The following AHI1 variants were observed in gnomAD, a reference collection of about 807,000 sequenced individuals.
The protein encoded by AHI1 is Abelson helper integration site 1, also known as jouberin.
Under a neutral mutation model 149.3 loss-of-function variants are expected in AHI1, and 123 were observed. The observed-to-expected ratio is 0.82, with a 90% CI of 0.71 to 0.96. The LOEUF (loss-of-function observed/expected upper bound fraction) is 0.96, where lower values mean the gene tolerates loss of function less well. AHI1 is among the 40% of genes least tolerant of loss of function. The pLI is 0.00. For missense variants in AHI1, 1,439 were observed against 1,422.7 expected (o/e 1.01, Z -0.18); for synonymous variants, 475 against 459.8 (o/e 1.03, Z -0.42).
intron 26 of AHI1, among the ~76,000 whole-genome samples, chr6:135,317,376 A>AAT: frequency 6.6e-6 from 1 of 151,126 alleles, no homozygotes; most frequent in Admixed American, 6.6e-5. Flanking sequence ...GCCCAGACAT[A>AAT]ATCATACCAT....
chr6:135,339,852 T>TCTA (rs1446806651), intron 24 of AHI1, among the ~76,000 whole-genome samples: 10 of 152,050 alleles, frequency 6.6e-5, no homozygotes, highest in African/African-American at 2.4e-4. Flanking sequence ...AAGATCCATA[T>TCTA]CTAGACAAAT....
At chr6:135,396,180 C>G (rs1464896178) in intron 22 of AHI1, among the ~76,000 whole-genome samples, 1 of 151,574 alleles carries the variant, frequency 6.6e-6, no homozygotes, top group Non-Finnish European at 1.5e-5. Context: ...AAAGTATTTT[C>G]CAAAGTAGTT....
chr6:135,331,325 G>C (rs554512931), intron 24 of AHI1, among the ~76,000 whole-genome samples: 2 of 152,160 alleles, frequency 1.3e-5, no homozygotes, highest in African/African-American at 2.4e-5. Context: ...ATTTGAAATA[G>C]AGTTCTTCTT....
chr6:135,388,895 C>T (rs1778008184), intron 23 of AHI1, among the ~76,000 whole-genome samples: 1 of 152,008 alleles, frequency 6.6e-6, no homozygotes, highest in East Asian at 1.9e-4. Context: ...GCCTGCAATC[C>T]CAGCTACTCA....
At chr6:135,286,824 A>G (rs1781745112) in intron 28 of AHI1, among the ~76,000 whole-genome samples, 1 of 152,242 alleles carries the variant, frequency 6.6e-6, no homozygotes, top group African/African-American at 2.4e-5. Context: ...ATGAATGCAC[A>G]TGAAGTTGAG....
At chr6:135,302,832 G>A (rs913378655) in intron 26 of AHI1, 22 of 1,288,608 alleles carry the variant, frequency 1.7e-5, no homozygotes, top group Middle Eastern at 2.1e-4. Context: ...AAACGAAAAA[G>A]CCCCCAAGGC....
intron 11 of AHI1, among the ~76,000 whole-genome samples, chr6:135,451,797 A>C (rs530157679): frequency 6.6e-6 from 1 of 152,290 alleles, no homozygotes; most frequent in African/African-American, 2.4e-5. Flanking sequence ...GTTTCTAATA[A>C]AACCACACGA....
intron 23 of AHI1, among the ~76,000 whole-genome samples, chr6:135,394,500 T>A (rs2128484529): frequency 6.6e-6 from 1 of 152,184 alleles, no homozygotes; most frequent in South Asian, 2.1e-4. Context: ...TGAATCAGAT[T>A]TAACATCATG....
chr6:135,467,706 G>A, intron 5 of AHI1, 72 bp from the exon 6 acceptor site: 3 of 1,052,596 alleles, frequency 2.9e-6, no homozygotes, highest in Middle Eastern at 2.1e-4. Context: ...AATAATTAAT[G>A]TTCAACTATG....
intron 5 of AHI1, among the ~76,000 whole-genome samples, chr6:135,477,525 G>T (rs547389541): frequency 6.6e-6 from 1 of 152,264 alleles, no homozygotes; most frequent in African/African-American, 2.4e-5. Context: ...ATGTTGAATT[G>T]TAATTTCCAT....
At chr6:135,360,411 A>C (rs1451600855) in intron 23 of AHI1, among the ~76,000 whole-genome samples, 2 of 152,210 alleles carry the variant, frequency 1.3e-5, no homozygotes, top group Non-Finnish European at 2.9e-5. Context: ...GGCCTTAAGA[A>C]AATGACAACT....
At chr6:135,357,222 C>A (rs1793131807) in intron 24 of AHI1, among the ~76,000 whole-genome samples, 1 of 152,230 alleles carries the variant, frequency 6.6e-6, no homozygotes, top group South Asian at 2.1e-4. Context: ...CAGGCGTGAG[C>A]CACTGTGTCC....
At chr6:135,482,414 TA>T (rs1793793125) in intron 5 of AHI1, among the ~76,000 whole-genome samples, 1 of 151,918 alleles carries the variant, frequency 6.6e-6, no homozygotes. Flanking sequence ...CAAAATTCCC[TA>T]ATATTTAACA....
In AHI1 at chr6:135,447,052, C is replaced by G. The variant is rs1787353725; in HGVS notation, c.1735G>C (p.Glu579Gln). 3 of 1,584,542 alleles carry G rather than the reference C, an allele frequency of 1.9e-6. No individual in the cohort carries two copies. In the African/African-American group the frequency reaches 4.1e-5, roughly 21 times the overall value. ...SSSVDTEPGL[E>Q]ESKEVIKWKR... The stretch of plus-strand genomic sequence containing the variant: ...CACTTTATTACTTCCTTTGACTCTT[C>G]TAATCCAGGTTCTGTGTCTACTGAG... Residue 579 changes from glutamate (E) to glutamine (Q), a missense_variant, in exon 13 of 29, where the codon GAA becomes CAA. By Grantham distance (29) the Glu-to-Gln change is conservative. Transcript: ENST00000265602.
At chr6:135,362,375 C>G (rs533060852) in intron 23 of AHI1, among the ~76,000 whole-genome samples, 11 of 152,144 alleles carry the variant, frequency 7.2e-5, no homozygotes, top group South Asian at 4.2e-4. Context: ...GCAGATTTTG[C>G]TAATTGAAAC....
chr6:135,360,727 G>C (rs1208426264), intron 23 of AHI1, among the ~76,000 whole-genome samples: 1 of 152,152 alleles, frequency 6.6e-6, no homozygotes, highest in Non-Finnish European at 1.5e-5. Context: ...TAGGAATATA[G>C]TTAAAATGTT....
At chr6:135,290,870 G>GA (rs925963793) in intron 27 of AHI1, among the ~76,000 whole-genome samples, 8 of 150,902 alleles carry the variant, frequency 5.3e-5, no homozygotes, top group Non-Finnish European at 1.0e-4. Flanking sequence ...AGATGCCTGG[G>GA]AAAAATCAGA....
At position 135,465,990 on chromosome 6, in the gene AHI1, T is replaced by G. The variant is rs200993978; in HGVS notation, c.573A>C (p.Ala191=). ...DLEEDEELMQ[A]YQCHVTEEMA... The stretch of plus-strand genomic sequence containing the variant: ...TTTCTTCAGTTACATGGCACTGATA[T>G]GCTTGCATCAATTCTTCATCCTCTT... Residue 191 remains alanine (A), a synonymous_variant, in exon 7 of 29, where the codon GCA becomes GCC. Transcript: ENST00000265602. 153 of 1,613,868 alleles carry G rather than the reference T, an allele frequency of 9.5e-5. 1 individual carries two copies. In the Middle Eastern group the frequency reaches 1.2e-3, roughly 12 times the overall value.
chr6:135,396,789 A>C (rs970437392), intron 22 of AHI1, among the ~76,000 whole-genome samples: 1 of 151,756 alleles, frequency 6.6e-6, no homozygotes, highest in Admixed American at 6.6e-5. Context: ...AAATGAAGAT[A>C]TATCTATATA....
Sources: gnomAD v4.1 joint callset for allele counts (sites outside exome capture counted in the v4.1 genomes callset) on GRCh38, gnomAD v4.1.1 for gene constraint, MANE v1.5 for transcripts, NCBI Gene and HGNC (gene_info 2026-07-23, HGNC 2026-07-21) for gene names.